The following EFNA5 variants were observed in gnomAD, a reference collection of about 807,000 sequenced individuals.
EFNA5 encodes ephrin-A5.
Under a neutral mutation model 22.9 loss-of-function variants are expected in EFNA5, and 5 were observed. The observed-to-expected ratio is 0.22, with a 90% CI of 0.11 to 0.46. The LOEUF (loss-of-function observed/expected upper bound fraction) is 0.46. Among genes scored for constraint, EFNA5 ranks in the 20% least tolerant of loss-of-function variants. The probability of loss-of-function intolerance (pLI) is 0.99; values close to 1 mark genes in which losing one functional copy is unlikely to be tolerated. For synonymous variants in EFNA5, 113 were observed against 112.2 expected, an observed-to-expected ratio of 1.01 and a Z score of -0.04; for missense variants, 237 against 293.3, an observed-to-expected ratio of 0.81 and a Z score of 1.40.
chr5:107,589,085 G>A (rs928404598), intron 1 of EFNA5, among the ~76,000 whole-genome samples: 6 of 152,192 alleles, frequency 3.9e-5, no homozygotes, highest in Admixed American at 6.5e-5. Context: ...ACCCAGTCTA[G>A]AGACTTGCCA....
chr5:107,519,312 T>C (rs1747546520), intron 1 of EFNA5, among the ~76,000 whole-genome samples: 1 of 152,262 alleles, frequency 6.6e-6, no homozygotes, highest in Non-Finnish European at 1.5e-5. Flanking sequence ...GTACATGTGC[T>C]GAAATGTAGA....
intron 1 of EFNA5, among the ~76,000 whole-genome samples, chr5:107,486,939 G>C (rs979940202): frequency 6.6e-6 from 1 of 152,102 alleles, no homozygotes; most frequent in Non-Finnish European, 1.5e-5. Context: ...TGGCTGACCT[G>C]TCTGCCTCCA....
rs1178785954 is a variant in EFNA5, at chr5:107,634,466, T to TACAA, written c.125+36022_125+36023insTTGT. 1.9e-3 allele frequency among the ~76,000 whole-genome samples: 215 copies of TACAA among 115,268 alleles called. 2 individuals carry two copies. The highest frequency in any genetic ancestry group is 4.6e-3 in the Admixed American group (46 of 10,026). 75.6% of individuals were successfully genotyped at this position (115,268 alleles called of 152,430 possible). A position where few individuals can be genotyped will look rare whatever the true frequency, so the allele number is the denominator to read the frequency against. ...AGGTGTTTGAGGTTGCAGTTAGCTATGATGGCGCCACTGCACTGTAGCCTG... is the reference window on the plus strand; with the variant it reads ...AGGTGTTTGAGGTTGCAGTTAGCTATACAAGATGGCGCCACTGCACTGTAGCCTG... On this transcript the variant is annotated intron_variant, in intron 1 of 4. Transcript: ENST00000333274.
intron 1 of EFNA5, among the ~76,000 whole-genome samples, chr5:107,591,935 TATATATATTATATATA>T (rs1749351131): frequency 1.3e-4 from 2 of 14,952 alleles, no homozygotes; most frequent in East Asian, 9.0e-4. Flanking sequence ...TAATATATAA[TATATATATTATATATA>T]ATATATAATA....
chr5:107,500,919 T>C (rs1358594435), intron 1 of EFNA5, among the ~76,000 whole-genome samples: 3 of 149,946 alleles, frequency 2.0e-5, no homozygotes, highest in Non-Finnish European at 3.0e-5. Context: ...TCAGCCAGGA[T>C]TGTTCATCCT....
At position 107,391,183 on chromosome 5, in the gene EFNA5, C is replaced by T. The variant is rs529164578; in HGVS notation, c.419-3412G>A. On this transcript the variant is annotated intron_variant, in intron 2 of 4. Transcript: ENST00000333274. ...AAAAATAAATAAATAAAATAAAATG[C>T]CTACTATGCATCAGCTTCTTTATTA... Among the ~76,000 whole-genome samples the T allele has an allele frequency of 4.1e-4, 63 of 152,246 alleles. 1 individual carries two copies. The highest frequency in any genetic ancestry group is 3.4e-3 in the Middle Eastern group (1 of 294).
intron 1 of EFNA5, among the ~76,000 whole-genome samples, chr5:107,655,167 C>T (rs1198106738): frequency 2.0e-5 from 3 of 151,962 alleles, no homozygotes; most frequent in African/African-American, 7.2e-5. Context: ...ACCCTTTTGC[C>T]AAGAAAGTAA....
intron 1 of EFNA5, among the ~76,000 whole-genome samples, chr5:107,569,834 C>CAA (rs67306022): frequency 2.3e-5 from 2 of 86,558 alleles, no homozygotes; most frequent in African/African-American, 3.5e-5. Flanking sequence ...CCTGGGAGAC[C>CAA]AAAAAAAAAA....
At chr5:107,584,550 G>C (rs972436245) in intron 1 of EFNA5, among the ~76,000 whole-genome samples, 7 of 152,138 alleles carry the variant, frequency 4.6e-5, no homozygotes, top group South Asian at 2.1e-4. Flanking sequence ...ATTTTGGATA[G>C]TCATTGCCTT....
intron 1 of EFNA5, among the ~76,000 whole-genome samples, chr5:107,432,464 T>C (rs1410913910): frequency 6.6e-6 from 1 of 152,188 alleles, no homozygotes; most frequent in Non-Finnish European, 1.5e-5. Context: ...TTCCATCCAT[T>C]GTATCAGCAG....
chr5:107,573,271 A>G (rs985839309), intron 1 of EFNA5, among the ~76,000 whole-genome samples: 2 of 152,084 alleles, frequency 1.3e-5, no homozygotes, highest in Non-Finnish European at 2.9e-5. Context: ...ATAATGGGCA[A>G]AAGAAACATG....
chr5:107,477,860 A>T (rs1371542754), intron 1 of EFNA5, among the ~76,000 whole-genome samples: 2 of 152,220 alleles, frequency 1.3e-5, no homozygotes, highest in Non-Finnish European at 2.9e-5. Flanking sequence ...ACCCTAAATC[A>T]AATACATACC....
At chr5:107,519,053 G>C (rs1033393392) in intron 1 of EFNA5, among the ~76,000 whole-genome samples, 2 of 152,200 alleles carry the variant, frequency 1.3e-5, no homozygotes, top group African/African-American at 4.8e-5. Context: ...TATTACATTA[G>C]TTTAATGAAT....
At chr5:107,518,380 TAGTAGGAG>T (rs1747527203) in intron 1 of EFNA5, among the ~76,000 whole-genome samples, 1 of 151,920 alleles carries the variant, frequency 6.6e-6, no homozygotes, top group Non-Finnish European at 1.5e-5. Flanking sequence ...ATTTTGGTGT[TAGTAGGAG>T]AGTTGATAAT....
intron 1 of EFNA5, among the ~76,000 whole-genome samples, chr5:107,518,544 C>T (rs946211962): frequency 1.3e-5 from 2 of 148,634 alleles, no homozygotes; most frequent in Non-Finnish European, 3.0e-5. Context: ...CGTTCCCAGT[C>T]AATTAGTACC....
intron 1 of EFNA5, among the ~76,000 whole-genome samples, chr5:107,650,361 C>T (rs540761965): frequency 2.6e-5 from 4 of 152,250 alleles, no homozygotes; most frequent in African/African-American, 9.6e-5. Flanking sequence ...CACTGCCTAT[C>T]AGGAGACTTC....
At chr5:107,626,989 G>A (rs531454722) in intron 1 of EFNA5, among the ~76,000 whole-genome samples, 11 of 152,158 alleles carry the variant, frequency 7.2e-5, no homozygotes, top group African/African-American at 2.7e-4. Flanking sequence ...GGCTAATATT[G>A]TAAGATTTTC....
At chr5:107,474,810 C>T (rs116735588) in intron 1 of EFNA5, among the ~76,000 whole-genome samples, 422 of 152,002 alleles carry the variant, frequency 2.8e-3, no homozygotes, top group South Asian at 0.013. Context: ...GAAGAAGCCC[C>T]GAAGATCTAA....
chr5:107,656,151 A>G (rs1448671256), intron 1 of EFNA5, among the ~76,000 whole-genome samples: 1 of 152,194 alleles, frequency 6.6e-6, no homozygotes, highest in Non-Finnish European at 1.5e-5. Context: ...ATATCTCATT[A>G]TAACTATGAA....
Sources: allele counts gnomAD v4.1 joint callset (sites outside exome capture counted in the v4.1 genomes callset), GRCh38; gene constraint gnomAD v4.1.1; transcripts MANE v1.5; gene names NCBI Gene and HGNC (gene_info 2026-07-23, HGNC 2026-07-21).